Variants in ITPRID1 observed in about 807,000 individuals in gnomAD.
ITPRID1 encodes the protein protein ITPRID1.
In ITPRID1, 96 loss-of-function variants were observed where a neutral mutation model predicts 95.4. The ratio of observed to expected loss-of-function variants is 1.01; its 90% CI spans 0.85 to 1.19. The LOEUF is 1.19. ITPRID1 is among the 50% of genes most tolerant of loss of function. ITPRID1 has a pLI of 0.00. For synonymous variants in ITPRID1, 510 were observed against 453.6 expected, an observed-to-expected ratio of 1.12 and a Z score of -1.58; for missense variants, 1,339 against 1,252.9, an observed-to-expected ratio of 1.07 and a Z score of -1.04.
At position 31,520,558 on chromosome 7, in the gene ITPRID1, TGTGTGTGA is replaced by T. The variant is rs1332675336; in HGVS notation, c.-98+6440_-98+6447del. ...GTGTGTGTGTGTGTGTGTGTGTGTG[TGTGTGTGA>T]GAGAGAGAGAGAGAGTTTGGCACTT... On this transcript the variant is annotated intron_variant, in intron 1 of 14. Transcript: ENST00000615280. Among the ~76,000 whole-genome samples, 291 of 80,962 alleles carry T rather than the reference TGTGTGTGA, an allele frequency of 3.6e-3. 1 individual carries two copies. Among genetic ancestry groups the T allele is most frequent in the South Asian group, 9.3e-3 (20 of 2,144 alleles). 53.1% of individuals were successfully genotyped at this position (80,962 alleles called of 152,430 possible). A position where few individuals can be genotyped will look rare whatever the true frequency, so the allele number is the denominator to read the frequency against.
chr7:31,519,610 C>CCATATATATATA (rs1783158806), intron 1 of ITPRID1, among the ~76,000 whole-genome samples: 2 of 51,342 alleles, frequency 3.9e-5, no homozygotes, highest in African/African-American at 7.3e-5. Flanking sequence ...CTCTCTCTCT[C>CCATATATATATA]TCTCTCTCTC....
intron 12 of ITPRID1, among the ~76,000 whole-genome samples, chr7:31,644,803 T>G (rs970135523): frequency 6.6e-6 from 1 of 152,110 alleles, no homozygotes; most frequent in South Asian, 2.1e-4. Context: ...GTATAGAGAG[T>G]TGAAAAGGTG....
At chr7:31,574,467 G>A in intron 7 of ITPRID1, 73 bp from the exon 8 acceptor site, 8 of 1,328,170 alleles carry the variant, frequency 6.0e-6, no homozygotes, top group Non-Finnish European at 8.6e-6. Context: ...AGATTGGGTG[G>A]ATGAGGTGAC....
chr7:31,514,470 G>A (rs1782988464), intron 1 of ITPRID1, among the ~76,000 whole-genome samples: 1 of 152,128 alleles, frequency 6.6e-6, no homozygotes. Flanking sequence ...TCCTGGATGG[G>A]GGCAGAGGAG....
At chr7:31,562,520 T>G (rs937555135) in intron 5 of ITPRID1, among the ~76,000 whole-genome samples, 1 of 152,180 alleles carries the variant, frequency 6.6e-6, no homozygotes, top group South Asian at 2.1e-4. Flanking sequence ...AAATATAAAT[T>G]TTCTGGTCTA....
At chr7:31,644,613 A>G (rs537078646) in intron 12 of ITPRID1, among the ~76,000 whole-genome samples, 2 of 152,140 alleles carry the variant, frequency 1.3e-5, no homozygotes, top group African/African-American at 4.8e-5. Context: ...TTAAAGGTGG[A>G]CCCTATAGTT....
intron 1 of ITPRID1, among the ~76,000 whole-genome samples, chr7:31,519,434 T>A (rs217158): frequency 0.42 from 63,105 of 151,186 alleles, 14,257 homozygotes; most frequent in East Asian, 0.61. Flanking sequence ...AATGCAGTCA[T>A]ATAAAATGAA....
At position 31,578,451 on chromosome 7, in the gene ITPRID1, C is replaced by T. The variant is rs377553086; in HGVS notation, c.1170+17C>T. Reference sequence around the variant, plus strand: ...ATGGAAGAGGTCAGTGCTGCACCAACGTACCAGCCTCCTAAGGGAAATAAC... The same window carrying T: ...ATGGAAGAGGTCAGTGCTGCACCAATGTACCAGCCTCCTAAGGGAAATAAC... On this transcript the variant is annotated intron_variant, in intron 9 of 14. Coordinates refer to ENST00000615280, the MANE Select transcript of ITPRID1 (RefSeq NM_001257967.3). 16 of 1,542,254 alleles carry T rather than the reference C, an allele frequency of 1.0e-5. No homozygotes were observed. In the African/African-American group the frequency reaches 1.4e-4, roughly 13 times the overall value.
At chr7:31,604,330 G>A (rs1583561886) in intron 10 of ITPRID1, among the ~76,000 whole-genome samples, 1 of 152,198 alleles carries the variant, frequency 6.6e-6, no homozygotes. Flanking sequence ...AAATAATTCA[G>A]CAAGGGTGTA....
intron 10 of ITPRID1, among the ~76,000 whole-genome samples, chr7:31,628,471 CT>C (rs1562630007): frequency 1.6e-5 from 2 of 126,428 alleles, no homozygotes; most frequent in South Asian, 4.9e-4. Flanking sequence ...CTTTTTTTTT[CT>C]TTTTTTGAGG....
At chr7:31,632,262 C>A (rs1562635187) in intron 10 of ITPRID1, among the ~76,000 whole-genome samples, 1 of 151,974 alleles carries the variant, frequency 6.6e-6, no homozygotes, top group Non-Finnish European at 1.5e-5. Flanking sequence ...TCCTGGCTAA[C>A]ACGGTGAAAC....
chr7:31,642,816 C>T lies in ITPRID1; in HGVS notation c.1446C>T (p.Ser482=), dbSNP rs1236041911. 1.2e-6 allele frequency: 2 copies of T among 1,613,702 alleles called. No homozygotes were observed. The highest frequency in any genetic ancestry group is 1.7e-6 in the Non-Finnish European group (2 of 1,179,806). ...SDGPDSKSRA[S]MSFSSQEANA... is the part of the protein sequence containing the mutation. Reference sequence around the variant, plus strand: ...GGCCAGATTCCAAAAGTAGGGCGAGCATGTCTTTTTCAAGCCAAGAAGCGA... The same window carrying T: ...GGCCAGATTCCAAAAGTAGGGCGAGTATGTCTTTTTCAAGCCAAGAAGCGA... The change falls in exon 12 of 15, where the codon AGC becomes AGT. Residue 482 remains serine (S), a synonymous_variant. Coordinates refer to ENST00000615280, the MANE Select transcript of ITPRID1 (RefSeq NM_001257967.3).
At chr7:31,606,256 G>T (rs1475025073) in intron 10 of ITPRID1, among the ~76,000 whole-genome samples, 1 of 151,992 alleles carries the variant, frequency 6.6e-6, no homozygotes, top group African/African-American at 2.4e-5. Context: ...TTCCCTAGGG[G>T]TCCAAAAATC....
intron 1 of ITPRID1, among the ~76,000 whole-genome samples, chr7:31,542,597 C>A (rs1175827601): frequency 6.6e-6 from 1 of 152,092 alleles, no homozygotes; most frequent in African/African-American, 2.4e-5. Flanking sequence ...CCTAAGGCTA[C>A]AAGATTAGAA....
rs763512179 is a variant in ITPRID1 at position 31,652,056 on chromosome 7, G to A, written c.2823+6G>A. ...TCAGAGAAGGGATTTTACTGGTATGGGTGATGGGGTGTGGAGTTTGACTAT... is the reference window on the plus strand; with the variant it reads ...TCAGAGAAGGGATTTTACTGGTATGAGTGATGGGGTGTGGAGTTTGACTAT... On this transcript the variant is annotated splice_donor_region_variant and intron_variant, in intron 14 of 14. Coordinates refer to ENST00000615280, the MANE Select transcript of ITPRID1 (RefSeq NM_001257967.3). The A allele has an allele frequency of 3.2e-6, 5 of 1,573,550 alleles. No homozygotes were observed. The highest frequency in any genetic ancestry group is 1.8e-5 in the Admixed American group (1 of 55,638).
chr7:31,586,878 C>T (rs1335884473), intron 10 of ITPRID1, among the ~76,000 whole-genome samples: 1 of 151,856 alleles, frequency 6.6e-6, no homozygotes, highest in Non-Finnish European at 1.5e-5. Flanking sequence ...TCTTTTGTTG[C>T]CATTGCTTTT....
At chr7:31,515,068 G>C (rs772700661) in intron 1 of ITPRID1, among the ~76,000 whole-genome samples, 35 of 151,864 alleles carry the variant, frequency 2.3e-4, no homozygotes, top group Non-Finnish European at 1.9e-4. Flanking sequence ...ATTCTTATTG[G>C]ATAATATATA....
At chr7:31,517,627 G>T (rs1256194161) in intron 1 of ITPRID1, 1 of 152,888 alleles carries the variant, frequency 6.5e-6, no homozygotes, top group African/African-American at 2.4e-5. Context: ...CAGAGCCCAC[G>T]CCCACCCGGA....
chr7:31,561,981 G>C (rs1784638810), intron 5 of ITPRID1, among the ~76,000 whole-genome samples: 1 of 143,860 alleles, frequency 7.0e-6, no homozygotes, highest in South Asian at 2.2e-4. Context: ...TGGATGTTAA[G>C]GTCCCTCTTC....
Sources: gnomAD v4.1 joint callset for allele counts (sites outside exome capture counted in the v4.1 genomes callset) on GRCh38, gnomAD v4.1.1 for gene constraint, MANE v1.5 for transcripts, NCBI Gene and HGNC (gene_info 2026-07-23, HGNC 2026-07-21) for gene names.